BSN: variants seen among roughly 807,000 people sequenced by gnomAD.
BSN encodes the protein bassoon presynaptic cytomatrix protein, also known as protein bassoon.
BSN carries 57 observed loss-of-function variants against 264.8 expected under a neutral mutation model. That is an observed-to-expected ratio of 0.22 (90% CI 0.17 to 0.27). The LOEUF is 0.27. Among genes scored for constraint, BSN ranks in the 10% least tolerant of loss-of-function variants. BSN has a pLI of 1.00. For synonymous variants in BSN, 2,059 were observed against 2,137.3 expected, an observed-to-expected ratio of 0.96 and a Z score of 1.01; for missense variants, 4,615 against 5,232.5, an observed-to-expected ratio of 0.88 and a Z score of 3.64.
intron 1 of BSN, among the ~76,000 whole-genome samples, chr3:49,614,529 G>A (rs2052243426): frequency 6.6e-6 from 1 of 152,154 alleles, no homozygotes; most frequent in African/African-American, 2.4e-5. Context: ...ATACCTACTG[G>A]TCTCTTTCTA....
intron 1 of BSN, among the ~76,000 whole-genome samples, chr3:49,582,450 C>T (rs1359762282): frequency 6.6e-6 from 1 of 152,210 alleles, no homozygotes; most frequent in Non-Finnish European, 1.5e-5. Context: ...ACTGGAACTA[C>T]AGGCCCAGCT....
Position 49,664,779 on chromosome 3 carries a change from C to T in BSN, c.11741-20C>T, listed in dbSNP as rs372747338. 86 of 1,613,912 alleles carry T rather than the reference C, an allele frequency of 5.3e-5. No individual in the cohort carries two copies. In the African/African-American group the frequency reaches 1.1e-3, roughly 20 times the overall value. ...TCTGGCCCAATTTCCTGATGGCTCT[C>T]TCCTCTTTCTTTGTCACAGCTGTCT... On this transcript the variant is annotated intron_variant, in intron 9 of 11. Coordinates refer to ENST00000296452, the MANE Select transcript of BSN (RefSeq NM_003458.4).
chr3:49,663,094 C>A lies in BSN; in HGVS notation c.10936C>A (p.Arg3646=). 1 of 1,612,126 alleles carries A rather than the reference C, an allele frequency of 6.2e-7. No homozygotes were observed. The highest frequency in any genetic ancestry group is 8.5e-7 in the Non-Finnish European group (1 of 1,179,728). ...CCGCCATGCCTCAGCCAAGGAACAC[C>A]GGCACGGTGACCACGGGCGGCACTC... ...PGRHASAKEH[R]HGDHGRHSGR... The change falls in exon 7 of 12, where the codon CGG becomes AGG. Residue 3646 remains arginine (R), a synonymous_variant. Coordinates refer to ENST00000296452, the MANE Select transcript of BSN (RefSeq NM_003458.4).
At chr3:49,647,759 A>G (rs969920171) in intron 3 of BSN, among the ~76,000 whole-genome samples, 10 of 152,168 alleles carry the variant, frequency 6.6e-5, no homozygotes, top group Non-Finnish European at 1.2e-4. Context: ...AGGCACAGAG[A>G]TTCTACATGG....
rs752374668 is a variant in BSN at position 49,654,249 on chromosome 3, G to A, written c.4693G>A (p.Ala1565Thr). 6 of 1,613,140 alleles carry A rather than the reference G, an allele frequency of 3.7e-6. No homozygotes were observed. The highest frequency in any genetic ancestry group is 1.1e-5 in the South Asian group (1 of 90,912). The change falls in exon 5 of 12, where the codon GCC becomes ACC. Residue 1565 changes from alanine (A) to threonine (T), a missense_variant. Coordinates refer to ENST00000296452, the MANE Select transcript of BSN (RefSeq NM_003458.4). The surrounding 1 kb of genome is among the most constrained non-coding windows in gnomAD (Gnocchi z 4.1). ...TATGGTCATCACGCTGGCATCTGAC[G>A]CCTCCAGCCAGACCAGGATGGTACA... The part of the protein sequence containing the change: ...PFMVITLASD[A>T]SSQTRMVHAS...
At chr3:49,606,258 A>C (rs867409148) in intron 1 of BSN, among the ~76,000 whole-genome samples, 75 of 82,998 alleles carry the variant, frequency 9.0e-4, no homozygotes, top group East Asian at 1.9e-3. Context: ...TTATATATAA[A>C]ATATATATAA....
chr3:49,671,613 T>C (rs1296459671), downstream of BSN: 9 of 152,452 alleles, frequency 5.9e-5, no homozygotes, highest in Non-Finnish European at 1.3e-4. The surrounding 1 kb of genome is among the most constrained non-coding windows in gnomAD (Gnocchi z 4.1). Context: ...ATCCCCAAAT[T>C]TGCGACAATC....
rs1165587072 is a variant in BSN, at chr3:49,657,024, C to A, written c.7468C>A (p.Leu2490Ile). 3 of 1,610,136 alleles carry A rather than the reference C, an allele frequency of 1.9e-6. No homozygotes were observed. In the African/African-American group the frequency reaches 4.0e-5, roughly 22 times the overall value. The change falls in exon 5 of 12, where the codon CTA becomes ATA. Residue 2490 changes from leucine to isoleucine, a missense_variant. Coordinates refer to ENST00000296452, the MANE Select transcript of BSN (RefSeq NM_003458.4). The stretch of plus-strand genomic sequence containing the variant: ...TGAGGCACCTGGCCGAGGGCCTCCC[C>A]TAGCGGCTGCTGAGTTGGCCCAGAA... The part of the protein sequence containing the change: ...ACEAPGRGPP[L>I]AAAELAQNGQ...
intron 1 of BSN, among the ~76,000 whole-genome samples, chr3:49,579,088 A>G (rs1258574842): frequency 6.6e-6 from 1 of 152,052 alleles, no homozygotes; most frequent in African/African-American, 2.4e-5. Flanking sequence ...CCTGGGCTCA[A>G]GAGATCCTCC....
Position 49,663,458 on chromosome 3 carries a change from T to C in BSN, c.11300T>C (p.Ile3767Thr). ...QQSQSPSSRQIPSGAASRQPQ... is the reference protein window; with the variant it reads ...QQSQSPSSRQTPSGAASRQPQ... ...TCACAGTCACCATCATCCAGGCAAA[T>C]ACCCTCTGGGGCAGCATCACGCCAG... The change falls in exon 7 of 12, where the codon ATA (isoleucine) becomes ACA (threonine). Residue 3767 changes from isoleucine (I) to threonine (T), a missense_variant. Ile to Thr is a moderately conservative substitution (Grantham distance 89). This residue lies in a region of BSN where 3,415 missense variants were observed against 3,866.4 expected (regional missense o/e 0.88). Transcript: ENST00000296452. 1.2e-6 allele frequency: 2 copies of C among 1,612,966 alleles called. No homozygotes were observed. Among genetic ancestry groups the C allele is most frequent in the Non-Finnish European group, 1.7e-6 (2 of 1,179,992 alleles).
intron 3 of BSN, among the ~76,000 whole-genome samples, chr3:49,649,808 G>T (rs2052527410): frequency 6.6e-6 from 1 of 152,248 alleles, no homozygotes; most frequent in Non-Finnish European, 1.5e-5. Context: ...AAACAGTAGA[G>T]GATCCTGAGA....
At chr3:49,648,092 C>A (rs1315446213) in intron 3 of BSN, among the ~76,000 whole-genome samples, 2 of 152,264 alleles carry the variant, frequency 1.3e-5, no homozygotes, top group Non-Finnish European at 2.9e-5. Flanking sequence ...CAGGTAACAT[C>A]TCTGCTGAGA....
Position 49,642,580 on chromosome 3 carries a change from G to A in BSN, c.946G>A (p.Glu316Lys). 1 of 1,606,036 alleles carries A rather than the reference G, an allele frequency of 6.2e-7. No individual in the cohort carries two copies. The highest frequency in any genetic ancestry group is 8.5e-7 in the Non-Finnish European group (1 of 1,175,268). ...PPQPTKPSTAEPRPPAGEAPA... is the reference protein window; with the variant it reads ...PPQPTKPSTAKPRPPAGEAPA... The stretch of plus-strand genomic sequence containing the variant: ...TCAACCCACCAAGCCTTCCACAGCT[G>A]AGCCCAGGCCACCTGCAGGAGAGGC... Residue 316 changes from glutamate (E) to lysine (K), a missense_variant, in exon 3 of 12, where the codon GAG (glutamate) becomes AAG (lysine). Around this residue, in one of 3 missense-constraint regions of BSN, gnomAD observed 1,197 missense variants for 1,348.0 expected, o/e 0.89. Coordinates refer to ENST00000296452, the MANE Select transcript of BSN (RefSeq NM_003458.4). The surrounding 1 kb of genome is among the most constrained non-coding windows in gnomAD (Gnocchi z 7.0).
chr3:49,577,829 C>T (rs1021811070), intron 1 of BSN, among the ~76,000 whole-genome samples: 7 of 152,112 alleles, frequency 4.6e-5, no homozygotes, highest in Admixed American at 1.3e-4. Context: ...CATGAGCCAA[C>T]GCGTCAGCTT....
At chr3:49,593,788 G>GTTTTTTT (rs2051998608) in intron 1 of BSN, among the ~76,000 whole-genome samples, 1 of 137,418 alleles carries the variant, frequency 7.3e-6, no homozygotes, top group African/African-American at 2.7e-5. Flanking sequence ...TTTTTTTTTT[G>GTTTTTTT]TTTTGTTTTG....
intron 1 of BSN, among the ~76,000 whole-genome samples, chr3:49,581,924 C>T (rs1457438932): frequency 6.6e-6 from 1 of 152,130 alleles, no homozygotes; most frequent in Non-Finnish European, 1.5e-5. Context: ...GTGGGGGCTA[C>T]TATATTGTGA....
chr3:49,660,871 G>T lies in BSN; in HGVS notation c.9026G>T (p.Arg3009Leu). 1 of 1,613,258 alleles carries T rather than the reference G, an allele frequency of 6.2e-7. No homozygotes were observed. The highest frequency in any genetic ancestry group is 8.5e-7 in the Non-Finnish European group (1 of 1,180,014). ...CCCTTGCGTGGTCTTGGCGAGCATCGTGACTACCTATCGGACAGTGAGCTC... is the reference window on the plus strand; with the variant it reads ...CCCTTGCGTGGTCTTGGCGAGCATCTTGACTACCTATCGGACAGTGAGCTC... ...YPPLRGLGEH[R>L]DYLSDSELNQ... is the part of the protein sequence containing the mutation. Residue 3009 changes from arginine to leucine, a missense_variant, in exon 6 of 12, where the codon CGT becomes CTT. Coordinates refer to ENST00000296452, the MANE Select transcript of BSN (RefSeq NM_003458.4). This position sits in a 1 kb window ranked among gnomAD's most constrained non-coding sequence, Gnocchi z 7.1.
At position 49,660,701 on chromosome 3, in the gene BSN, G is replaced by C. The variant is rs1448476693; in HGVS notation, c.8856G>C (p.Glu2952Asp). ...TGGACCGGGACCTGCGGCTGGTGGAGCATGAGTCCACCAAACTGCGCAAGA... is the reference window on the plus strand; with the variant it reads ...TGGACCGGGACCTGCGGCTGGTGGACCATGAGTCCACCAAACTGCGCAAGA... ...RELDRDLRLV[E>D]HESTKLRKKQ... Residue 2952 changes from glutamate to aspartate, a missense_variant, in exon 6 of 12, where the codon GAG becomes GAC. Physicochemically the swap from Glu to Asp is conservative, Grantham distance 45. Coordinates refer to ENST00000296452, the MANE Select transcript of BSN (RefSeq NM_003458.4). This position sits in a 1 kb window ranked among gnomAD's most constrained non-coding sequence, Gnocchi z 7.1. 4.3e-6 allele frequency: 7 copies of C among 1,612,978 alleles called. No homozygotes were observed. In the South Asian group the frequency reaches 6.6e-5, roughly 15 times the overall value.
At chr3:49,602,916 C>T (rs570746576) in intron 1 of BSN, among the ~76,000 whole-genome samples, 123 of 152,346 alleles carry the variant, frequency 8.1e-4, no homozygotes, top group Admixed American at 1.6e-3. Flanking sequence ...CTTCAGATCA[C>T]GCTCATGGGC....
Sources: allele counts gnomAD v4.1 joint callset (sites outside exome capture counted in the v4.1 genomes callset), GRCh38; gene constraint gnomAD v4.1.1; regional missense constraint gnomAD v4.1.1; non-coding constraint Gnocchi (gnomAD v3.1); transcripts MANE v1.5; gene names NCBI Gene and HGNC (gene_info 2026-07-23, HGNC 2026-07-21).